Variants in KIF13B observed in about 807,000 individuals in gnomAD.
The protein encoded by KIF13B is kinesin family member 13B, also known as kinesin-like protein KIF13B.
A neutral mutation model predicts 222.0 loss-of-function variants in KIF13B; 127 were observed. The ratio of observed to expected loss-of-function variants is 0.57; its 90% CI spans 0.50 to 0.66. The LOEUF is 0.66. Among genes scored for constraint, KIF13B ranks in the 30% least tolerant of loss-of-function variants. The pLI is 0.00. For synonymous variants in KIF13B, 976 were observed against 919.0 expected (o/e 1.06, Z -1.12); for missense variants, 2,173 against 2,379.0 (o/e 0.91, Z 1.80).
At chr8:29,143,959 A>G (rs1230518948) in intron 18 of KIF13B, among the ~76,000 whole-genome samples, 4 of 151,752 alleles carry the variant, frequency 2.6e-5, no homozygotes, top group Non-Finnish European at 5.9e-5. Context: ...AGCAATGTGG[A>G]TTTTTTTCAG....
At chr8:29,093,035 T>C (rs903333094) in intron 36 of KIF13B, among the ~76,000 whole-genome samples, 157 bp from the exon 37 acceptor site, 3 of 152,248 alleles carry the variant, frequency 2.0e-5, no homozygotes, top group Admixed American at 2.0e-4. Flanking sequence ...GTAGTTTACA[T>C]AATTTCCCTC....
At chr8:29,163,213 A>G (rs1411045932) in intron 12 of KIF13B, among the ~76,000 whole-genome samples, 1 of 152,232 alleles carries the variant, frequency 6.6e-6, no homozygotes, top group African/African-American at 2.4e-5. Context: ...TACAACACTA[A>G]AAGATACAGT....
At chr8:29,206,443 T>C (rs1813944866) in intron 2 of KIF13B, among the ~76,000 whole-genome samples, 1 of 152,154 alleles carries the variant, frequency 6.6e-6, no homozygotes, top group Admixed American at 6.5e-5. Flanking sequence ...ACTCCCAAAA[T>C]TGACTGCTTA....
chr8:29,198,549 T>C (rs1813542814), intron 2 of KIF13B, among the ~76,000 whole-genome samples: 1 of 152,094 alleles, frequency 6.6e-6, no homozygotes, highest in Non-Finnish European at 1.5e-5. Flanking sequence ...TCTTGAACTC[T>C]TGATCTCAAG....
intron 5 of KIF13B, 97 bp downstream of exon 5, chr8:29,188,418 C>A: frequency 2.9e-6 from 2 of 679,866 alleles, no homozygotes; most frequent in Non-Finnish European, 2.4e-6. Flanking sequence ...GCAAAAACAA[C>A]AAGGAATAAA....
At chr8:29,097,028 G>C (rs896478855) in intron 36 of KIF13B, among the ~76,000 whole-genome samples, 2 of 152,132 alleles carry the variant, frequency 1.3e-5, no homozygotes, top group Admixed American at 6.5e-5. Context: ...ACTACGAGAT[G>C]AGATTCAGGG....
In KIF13B at chr8:29,123,406, G is replaced by T. The variant is rs1364729620; in HGVS notation, c.3439C>A (p.Pro1147Thr). Residue 1147 changes from proline to threonine, a missense_variant, in exon 28 of 40, where the codon CCC becomes ACC. Pro to Thr is a conservative substitution (Grantham distance 38, BLOSUM62 -1). This residue lies in a region of KIF13B where 1,480 missense variants were observed against 1,722.8 expected (regional missense o/e 0.86). Transcript: ENST00000524189. The part of the protein sequence containing the change: ...LTEERNAVMV[P>T]SAGSGIPGAP... ...CCTGGAATACCACTGCCAGCAGAGG[G>T]GACCATCACCGCGTTCCTCTCCTCA... 6.2e-7 allele frequency: 1 copy of T among 1,613,860 alleles called. No individual in the cohort carries two copies. The highest frequency in any genetic ancestry group is 8.5e-7 in the Non-Finnish European group (1 of 1,179,902).
chr8:29,203,727 CT>C (rs1287168456), intron 2 of KIF13B, among the ~76,000 whole-genome samples: 3 of 151,826 alleles, frequency 2.0e-5, no homozygotes, highest in Non-Finnish European at 2.9e-5. Context: ...CCTGTCTCTA[CT>C]AAAAATACAA....
At chr8:29,091,645 C>T (rs889855691) in intron 37 of KIF13B, among the ~76,000 whole-genome samples, 2 of 152,126 alleles carry the variant, frequency 1.3e-5, no homozygotes, top group African/African-American at 4.8e-5. Context: ...AACTGAATAA[C>T]GTACAAAATA....
intron 6 of KIF13B, among the ~76,000 whole-genome samples, chr8:29,184,242 A>C (rs1343828130): frequency 2.0e-5 from 3 of 152,048 alleles, no homozygotes. Flanking sequence ...TAAAAAATGA[A>C]GTTTTCTCAA....
intron 2 of KIF13B, among the ~76,000 whole-genome samples, chr8:29,197,193 CG>C (rs1813466348): frequency 6.6e-6 from 1 of 150,946 alleles, no homozygotes; most frequent in Non-Finnish European, 1.5e-5. Context: ...AAAAATTAGC[CG>C]GGCGTAGTGG....
At chr8:29,172,376 C>G (rs553660005) in intron 10 of KIF13B, among the ~76,000 whole-genome samples, 1 of 152,152 alleles carries the variant, frequency 6.6e-6, no homozygotes, top group Non-Finnish European at 1.5e-5. Flanking sequence ...GCCACCATGC[C>G]CAGCCAATCA....
chr8:29,171,544 G>A (rs188100429), intron 10 of KIF13B, among the ~76,000 whole-genome samples: 105 of 152,126 alleles, frequency 6.9e-4, no homozygotes, highest in African/African-American at 2.5e-3. Context: ...GGATCTGGGT[G>A]AGTCAGACTA....
At chr8:29,238,322 G>A (rs187292741) in intron 2 of KIF13B, among the ~76,000 whole-genome samples, 13 of 152,272 alleles carry the variant, frequency 8.5e-5, no homozygotes, top group Non-Finnish European at 4.4e-5. Flanking sequence ...GAAGTGTATG[G>A]ACATGGGTCA....
chr8:29,141,838 G>A (rs1406696403), intron 19 of KIF13B, among the ~76,000 whole-genome samples: 2 of 152,204 alleles, frequency 1.3e-5, no homozygotes, highest in African/African-American at 4.8e-5. Flanking sequence ...AAATAATGAG[G>A]CCTGGCCTCT....
Position 29,070,450 on chromosome 8 carries a change from C to G in KIF13B, c.*54G>C. On this transcript the variant is annotated 3_prime_UTR_variant, in exon 40 of 40. Coordinates refer to ENST00000524189, the MANE Select transcript of KIF13B (RefSeq NM_015254.4). This position sits in a 1 kb window ranked among gnomAD's most constrained non-coding sequence, Gnocchi z 4.1. ...CCTGGCTCCTCAGGGCTGTCACTGG[C>G]AGGGCTCAAAAGGGGCCGGGCACCC... 3 of 1,587,342 alleles carry G rather than the reference C, an allele frequency of 1.9e-6. No individual in the cohort carries two copies. The highest frequency in any genetic ancestry group is 1.7e-6 in the Non-Finnish European group (2 of 1,166,602).
chr8:29,142,038 T>C, intron 19 of KIF13B, 119 bp downstream of exon 19: 1 of 683,392 alleles, frequency 1.5e-6, no homozygotes, highest in Non-Finnish European at 2.4e-6. Context: ...TAAACCTTAC[T>C]CCAGAAATAG....
At chr8:29,101,204 G>A (rs1448226726) in intron 35 of KIF13B, among the ~76,000 whole-genome samples, 3 of 152,126 alleles carry the variant, frequency 2.0e-5, no homozygotes, top group Admixed American at 1.3e-4. Context: ...TTGTATACCC[G>A]GGGATATCAC....
chr8:29,161,998 A>AT (rs749259195), intron 12 of KIF13B, among the ~76,000 whole-genome samples: 11 of 152,102 alleles, frequency 7.2e-5, no homozygotes, highest in Non-Finnish European at 1.5e-4. Context: ...CTCAAGCGTT[A>AT]TTTTCATAAC....
Sources: allele counts gnomAD v4.1 joint callset (sites outside exome capture counted in the v4.1 genomes callset), GRCh38; gene constraint gnomAD v4.1.1; regional missense constraint gnomAD v4.1.1; non-coding constraint Gnocchi (gnomAD v3.1); transcripts MANE v1.5; gene names NCBI Gene and HGNC (gene_info 2026-07-23, HGNC 2026-07-21).